SV2C: variants seen among roughly 807,000 people sequenced by gnomAD.
SV2C encodes the protein synaptic vesicle glycoprotein 2C.
Under a neutral mutation model 79.7 loss-of-function variants are expected in SV2C, and 49 were observed. That is an observed-to-expected ratio of 0.61 (90% CI 0.49 to 0.78). The LOEUF is 0.78. SV2C is among the 30% of genes least tolerant of loss of function. The pLI is 0.00. For missense variants in SV2C, 833 were observed against 912.9 expected (o/e 0.91, Z 1.13); for synonymous variants, 334 against 333.2 (o/e 1.00, Z -0.03).
At chr5:76,063,947 C>T in the SV2C span, among the ~76,000 whole-genome samples, 11 of 152,124 alleles carry the variant, frequency 7.2e-5, 2 homozygotes, top group Admixed American at 1.3e-4. Context: ...CAGATGTACC[C>T]TGGATGCCTA....
At chr5:76,049,023 G>GAA in the SV2C span, among the ~76,000 whole-genome samples, 7 of 82,636 alleles carry the variant, frequency 8.5e-5, no homozygotes, top group African/African-American at 3.0e-4. Context: ...AAGAAAGAAA[G>GAA]AAAAAGAAAA....
At chr5:75,960,023 C>G in the SV2C span, among the ~76,000 whole-genome samples, 1 of 151,870 alleles carries the variant, frequency 6.6e-6, no homozygotes, top group Admixed American at 6.6e-5. Flanking sequence ...AGATATAAAA[C>G]TTTCTTAAGA....
chr5:76,253,042 C>T (rs1746160506), intron 4 of SV2C, among the ~76,000 whole-genome samples: 4 of 152,090 alleles, frequency 2.6e-5, no homozygotes, highest in Admixed American at 1.3e-4. Flanking sequence ...ATGGCTCAAT[C>T]GATAGAGTTT....
the SV2C span, among the ~76,000 whole-genome samples, chr5:75,916,840 G>A: frequency 6.6e-5 from 10 of 152,310 alleles, no homozygotes; most frequent in South Asian, 1.5e-3. Context: ...GGAATGGGCT[G>A]TTCCCCCAGT....
intron 1 of SV2C, among the ~76,000 whole-genome samples, chr5:76,100,044 T>C (rs982776209): frequency 9.2e-5 from 14 of 152,230 alleles, no homozygotes; most frequent in African/African-American, 3.4e-4. Context: ...TCAGTAAGCA[T>C]TTATTGTATC....
chr5:76,175,518 A>G (rs1743498557), intron 2 of SV2C, among the ~76,000 whole-genome samples: 1 of 152,178 alleles, frequency 6.6e-6, no homozygotes, highest in Non-Finnish European at 1.5e-5. Flanking sequence ...GCAGAGAGAA[A>G]ATTAGATCTA....
At chr5:75,887,740 A>AAAAAGC in the SV2C span, among the ~76,000 whole-genome samples, 9,354 of 152,092 alleles carry the variant, frequency 0.062, 336 homozygotes, top group Admixed American at 0.083. Flanking sequence ...AAAAATTCTG[A>AAAAAGC]AAAAGCAAAA....
intron 8 of SV2C, among the ~76,000 whole-genome samples, chr5:76,293,740 A>G (rs1288932059): frequency 6.6e-6 from 1 of 152,192 alleles, no homozygotes; most frequent in Non-Finnish European, 1.5e-5. Flanking sequence ...ATGATGATAA[A>G]AACGACTCAT....
At chr5:76,245,890 TTCCA>T (rs1212674673) in intron 4 of SV2C, among the ~76,000 whole-genome samples, 7 of 149,430 alleles carry the variant, frequency 4.7e-5, no homozygotes, top group South Asian at 2.1e-4. Context: ...GGAACTCTAG[TTCCA>T]TCTATTGAGG....
At chr5:75,874,880 A>G in the SV2C span, among the ~76,000 whole-genome samples, 1 of 152,228 alleles carries the variant, frequency 6.6e-6, no homozygotes, top group African/African-American at 2.4e-5. Flanking sequence ...AATGGGAATT[A>G]TAAAATGCTG....
intron 1 of SV2C, among the ~76,000 whole-genome samples, chr5:76,126,474 C>T (rs994758243): frequency 5.9e-5 from 9 of 152,120 alleles, no homozygotes; most frequent in Non-Finnish European, 1.3e-4. Context: ...TGGAAAGCTC[C>T]CCTCTCAACC....
At chr5:76,322,160 T>C (rs1423233854) in intron 12 of SV2C, among the ~76,000 whole-genome samples, 1 of 151,932 alleles carries the variant, frequency 6.6e-6, no homozygotes, top group Non-Finnish European at 1.5e-5. Flanking sequence ...TAAAAGAAAA[T>C]AGAAAGCTGA....
chr5:75,968,995 G>T, the SV2C span, among the ~76,000 whole-genome samples: 1 of 152,196 alleles, frequency 6.6e-6, no homozygotes, highest in Non-Finnish European at 1.5e-5. Context: ...AACTCTACAA[G>T]CCAGAAGAGA....
chr5:75,970,726 G>A, the SV2C span, among the ~76,000 whole-genome samples: 1 of 152,200 alleles, frequency 6.6e-6, no homozygotes, highest in Admixed American at 6.5e-5. Flanking sequence ...TGGATTCACA[G>A]CCGAATTCTA....
the SV2C span, among the ~76,000 whole-genome samples, chr5:75,928,499 T>C: frequency 6.6e-6 from 1 of 152,224 alleles, no homozygotes; most frequent in Non-Finnish European, 1.5e-5. Flanking sequence ...TCCCTGGACT[T>C]ATCCAGGGGG....
chr5:76,105,228 C>T (rs140635931), intron 1 of SV2C, among the ~76,000 whole-genome samples: 477 of 152,300 alleles, frequency 3.1e-3, no homozygotes, highest in Non-Finnish European at 5.2e-3. Context: ...ATAGATTCCT[C>T]CTCAAAGCCT....
chr5:76,279,521 A>G (rs569838784), intron 4 of SV2C, among the ~76,000 whole-genome samples: 174 of 152,350 alleles, frequency 1.1e-3, no homozygotes, highest in Non-Finnish European at 2.0e-3. Context: ...AGTTTTACAA[A>G]AAACAGTGGA....
chr5:75,902,578 C>T, the SV2C span, among the ~76,000 whole-genome samples: 1 of 152,162 alleles, frequency 6.6e-6, no homozygotes, highest in Admixed American at 6.5e-5. Flanking sequence ...ATGCTTTTCC[C>T]AGAGCTCAAA....
the SV2C span, among the ~76,000 whole-genome samples, chr5:75,868,798 C>T: frequency 2.9e-3 from 446 of 152,232 alleles, 10 homozygotes; most frequent in East Asian, 0.038. Context: ...TCCAGAGTCC[C>T]CTGCCCACAA....
Sources: gnomAD v4.1 joint callset for allele counts (sites outside exome capture counted in the v4.1 genomes callset) on GRCh38, gnomAD v4.1.1 for gene constraint, MANE v1.5 for transcripts, NCBI Gene and HGNC (gene_info 2026-07-23, HGNC 2026-07-21) for gene names.